PCDH9: variants seen among roughly 807,000 people sequenced by gnomAD.
PCDH9 encodes the protein protocadherin 9.
PCDH9 carries 24 observed loss-of-function variants against 70.6 expected under a neutral mutation model. The observed-to-expected ratio is 0.34, with a 90% CI of 0.25 to 0.48. The LOEUF (loss-of-function observed/expected upper bound fraction) is 0.48, where lower values mean the gene tolerates loss of function less well. PCDH9 is among the 20% of genes least tolerant of loss of function. The pLI is 0.99. For synonymous variants in PCDH9, 562 were observed against 558.5 expected (o/e 1.01, Z -0.09); for missense variants, 1,281 against 1,503.6 (o/e 0.85, Z 2.45).
intron 2 of PCDH9, among the ~76,000 whole-genome samples, chr13:67,161,099 A>G (rs2087946524): frequency 6.6e-6 from 1 of 152,210 alleles, no homozygotes; most frequent in South Asian, 2.1e-4. Flanking sequence ...ATAGAATAAA[A>G]TGATTTAACA....
intron 3 of PCDH9, among the ~76,000 whole-genome samples, chr13:66,897,190 G>A (rs2139582762): frequency 6.6e-6 from 1 of 151,562 alleles, no homozygotes; most frequent in South Asian, 2.1e-4. Context: ...TATACTTGCT[G>A]GATAAATATT....
At chr13:67,040,458 A>G (rs890389875) in intron 2 of PCDH9, among the ~76,000 whole-genome samples, 1 of 152,052 alleles carries the variant, frequency 6.6e-6, no homozygotes, top group Non-Finnish European at 1.5e-5. Context: ...GAAAAATAAG[A>G]CCTCAGAGAG....
intron 4 of PCDH9, among the ~76,000 whole-genome samples, chr13:66,570,463 G>A (rs577575318): frequency 6.6e-6 from 1 of 152,210 alleles, no homozygotes; most frequent in South Asian, 2.1e-4. Context: ...ATAAGATAGG[G>A]AGATTTATCA....
intron 3 of PCDH9, among the ~76,000 whole-genome samples, chr13:66,861,972 G>C (rs1403464213): frequency 6.6e-6 from 1 of 152,098 alleles, no homozygotes; most frequent in African/African-American, 2.4e-5. Context: ...ATAAAAGAAA[G>C]ACTGCTGCAA....
At chr13:67,028,603 A>G (rs1311584397) in intron 2 of PCDH9, among the ~76,000 whole-genome samples, 1 of 152,084 alleles carries the variant, frequency 6.6e-6, no homozygotes, top group Admixed American at 6.6e-5. Flanking sequence ...TAAAGTGTAC[A>G]CATCAAGAAA....
chr13:67,084,750 C>T (rs1036048546), intron 2 of PCDH9, among the ~76,000 whole-genome samples: 6 of 151,110 alleles, frequency 4.0e-5, no homozygotes, highest in East Asian at 2.0e-4. Context: ...GGGGGGATCA[C>T]GAGGTCAAGA....
chr13:66,793,068 T>A (rs2080186718), intron 3 of PCDH9, among the ~76,000 whole-genome samples: 1 of 151,936 alleles, frequency 6.6e-6, no homozygotes, highest in African/African-American at 2.4e-5. Context: ...TGACTTTTGC[T>A]GCCAATTTTA....
At chr13:66,597,020 A>G (rs1247291100) in intron 4 of PCDH9, among the ~76,000 whole-genome samples, 2 of 151,636 alleles carry the variant, frequency 1.3e-5, no homozygotes, top group African/African-American at 4.8e-5. Flanking sequence ...TTGACTTAGT[A>G]TCATTTTCTG....
At chr13:66,746,778 C>A (rs2079371573) in intron 3 of PCDH9, among the ~76,000 whole-genome samples, 1 of 151,748 alleles carries the variant, frequency 6.6e-6, no homozygotes, top group South Asian at 2.1e-4. Context: ...TGTGCAAAAC[C>A]AGAACAAGAT....
At chr13:66,574,156 C>G (rs1355050924) in intron 4 of PCDH9, among the ~76,000 whole-genome samples, 1 of 152,186 alleles carries the variant, frequency 6.6e-6, no homozygotes, top group Non-Finnish European at 1.5e-5. Flanking sequence ...ACAACACATT[C>G]TTAGTTGAGC....
At chr13:67,054,865 A>T (rs558837904) in intron 2 of PCDH9, among the ~76,000 whole-genome samples, 9 of 152,206 alleles carry the variant, frequency 5.9e-5, no homozygotes, top group Non-Finnish European at 2.9e-5. Context: ...TCTGACTTGT[A>T]GGCAATGAAT....
chr13:66,555,340 T>C (rs1961685439), intron 4 of PCDH9, among the ~76,000 whole-genome samples: 1 of 151,780 alleles, frequency 6.6e-6, no homozygotes, highest in South Asian at 2.1e-4. Context: ...AACTACTGAG[T>C]CATCTACGTT....
intron 3 of PCDH9, among the ~76,000 whole-genome samples, chr13:66,711,300 G>T (rs2078789536): frequency 6.6e-6 from 1 of 151,774 alleles, no homozygotes. Flanking sequence ...AAGACCATTG[G>T]GTCTGTGAAT....
At chr13:66,349,320 C>T (rs532421587) in intron 4 of PCDH9, among the ~76,000 whole-genome samples, 1 of 152,300 alleles carries the variant, frequency 6.6e-6, no homozygotes, top group South Asian at 2.1e-4. Context: ...GTGCTCTGCA[C>T]TTTGTTTGTC....
chr13:66,697,548 T>C (rs191181067), intron 3 of PCDH9, among the ~76,000 whole-genome samples: 1 of 152,326 alleles, frequency 6.6e-6, no homozygotes, highest in Admixed American at 6.5e-5. Flanking sequence ...ACAAGATTTT[T>C]CAATAGGAGC....
At chr13:66,707,712 G>C (rs1215651124) in intron 3 of PCDH9, among the ~76,000 whole-genome samples, 1 of 152,148 alleles carries the variant, frequency 6.6e-6, no homozygotes, top group Non-Finnish European at 1.5e-5. Flanking sequence ...CTTATCTTTT[G>C]TGTACAAGGA....
In PCDH9 at chr13:66,872,402, C is replaced by T. The variant is rs943492543; in HGVS notation, c.3138+31102G>A. Among the ~76,000 whole-genome samples the T allele has an allele frequency of 3.6e-4, 54 of 151,932 alleles. 1 individual carries two copies. The highest frequency in any genetic ancestry group is 1.3e-3 in the African/African-American group (52 of 41,376). On this transcript the variant is annotated intron_variant, in intron 3 of 4. Transcript: ENST00000377865. ...ATGGATAAAGTTGAAATAATTTTACCATATCTGGCTGTGCTCATGTCTTCA... is the reference window on the plus strand; with the variant it reads ...ATGGATAAAGTTGAAATAATTTTACTATATCTGGCTGTGCTCATGTCTTCA...
chr13:66,514,399 G>T (rs1368953586), intron 4 of PCDH9, among the ~76,000 whole-genome samples: 1 of 150,972 alleles, frequency 6.6e-6, no homozygotes, highest in Non-Finnish European at 1.5e-5. Context: ...GCAGGTTCAT[G>T]TCCTTTTATG....
intron 3 of PCDH9, among the ~76,000 whole-genome samples, chr13:66,730,848 T>G (rs2079063478): frequency 8.9e-6 from 1 of 112,154 alleles, no homozygotes; most frequent in Non-Finnish European, 1.9e-5. Flanking sequence ...CTGGCTGTTT[T>G]TTTGTTTTTG....
Sources: allele counts gnomAD v4.1 joint callset (sites outside exome capture counted in the v4.1 genomes callset), GRCh38; gene constraint gnomAD v4.1.1; transcripts MANE v1.5; gene names NCBI Gene and HGNC (gene_info 2026-07-23, HGNC 2026-07-21).